The following PTPRN2 variants were observed in gnomAD, a reference collection of about 807,000 sequenced individuals.
The protein encoded by PTPRN2 is receptor-type tyrosine-protein phosphatase N2.
Under a neutral mutation model 118.8 loss-of-function variants are expected in PTPRN2, and 74 were observed. The ratio of observed to expected loss-of-function variants is 0.62; its 90% CI spans 0.52 to 0.76. The LOEUF (loss-of-function observed/expected upper bound fraction) is 0.76, where lower values mean the gene tolerates loss of function less well. Among genes scored for constraint, PTPRN2 ranks in the 30% least tolerant of loss-of-function variants. The pLI is 0.00. For missense variants in PTPRN2, 1,481 were observed against 1,394.4 expected (o/e 1.06, Z -0.99); for synonymous variants, 641 against 608.0 (o/e 1.05, Z -0.80).
chr7:157,549,109 G>T, intron 21 of PTPRN2, 90 bp from the exon 22 acceptor site: 1 of 1,262,742 alleles, frequency 7.9e-7, no homozygotes, highest in Non-Finnish European at 1.2e-6. Flanking sequence ...TTCCCTCTGG[G>T]CTGAGAGGCC....
At chr7:158,495,766 C>T (rs765883990) in intron 1 of PTPRN2, among the ~76,000 whole-genome samples, 3 of 152,218 alleles carry the variant, frequency 2.0e-5, no homozygotes, top group East Asian at 1.9e-4. Context: ...AGCCCGGAGG[C>T]GGGGCTGCCT....
chr7:158,176,728 C>T (rs1279613890), intron 5 of PTPRN2, among the ~76,000 whole-genome samples: 2 of 152,230 alleles, frequency 1.3e-5, no homozygotes, highest in Non-Finnish European at 2.9e-5. Flanking sequence ...GGGAGCAGAA[C>T]ACCATGCCCT....
intron 6 of PTPRN2, among the ~76,000 whole-genome samples, chr7:158,151,945 G>C (rs60853443): frequency 6.6e-6 from 1 of 151,984 alleles, no homozygotes; most frequent in Middle Eastern, 3.4e-3. Flanking sequence ...AGGCCGAGGC[G>C]GGTGGATCAC....
At chr7:158,160,659 T>C (rs575678150) in intron 6 of PTPRN2, among the ~76,000 whole-genome samples, 1 of 152,336 alleles carries the variant, frequency 6.6e-6, no homozygotes, top group South Asian at 2.1e-4. Context: ...CCTTAGGTTG[T>C]TCATCAGGGT....
intron 11 of PTPRN2, among the ~76,000 whole-genome samples, chr7:158,057,852 G>C (rs1456166436): frequency 6.6e-6 from 1 of 152,192 alleles, no homozygotes; most frequent in Non-Finnish European, 1.5e-5. Flanking sequence ...CACAGCAAAA[G>C]CTTCCCAAGG....
At chr7:158,380,951 C>T (rs10237689) in intron 2 of PTPRN2, among the ~76,000 whole-genome samples, 13,418 of 152,322 alleles carry the variant, frequency 0.088, 1,961 homozygotes, top group African/African-American at 0.3. Context: ...GCCTGAGCTC[C>T]ACATTGACTC....
At chr7:157,601,939 G>A (rs1038955645) in intron 16 of PTPRN2, among the ~76,000 whole-genome samples, 2 of 152,230 alleles carry the variant, frequency 1.3e-5, no homozygotes, top group African/African-American at 4.8e-5. Context: ...ACGGAATCCA[G>A]GCGCGCACAC....
intron 11 of PTPRN2, among the ~76,000 whole-genome samples, chr7:158,000,257 A>C (rs1177340984): frequency 6.6e-6 from 1 of 152,162 alleles, no homozygotes; most frequent in South Asian, 2.1e-4. Context: ...GATGCTTCTC[A>C]GGTTGCATTC....
At chr7:157,621,892 G>A (rs536459815) in intron 14 of PTPRN2, among the ~76,000 whole-genome samples, 12 of 152,100 alleles carry the variant, frequency 7.9e-5, no homozygotes, top group East Asian at 1.9e-4. Flanking sequence ...TAAAACCGGC[G>A]CACGTTTCTG....
At chr7:157,879,738 C>A (rs1796008597) in intron 12 of PTPRN2, among the ~76,000 whole-genome samples, 1 of 151,884 alleles carries the variant, frequency 6.6e-6, no homozygotes, top group Non-Finnish European at 1.5e-5. Context: ...GATAGAGTGG[C>A]CACCTCACCC....
intron 2 of PTPRN2, among the ~76,000 whole-genome samples, chr7:158,384,837 C>T (rs1349590813): frequency 2.6e-5 from 4 of 152,184 alleles, no homozygotes; most frequent in Admixed American, 1.3e-4. Context: ...GACATTTTCA[C>T]GAGTCAGAGG....
chr7:158,247,600 T>C (rs936106673), intron 3 of PTPRN2, among the ~76,000 whole-genome samples: 4 of 150,174 alleles, frequency 2.7e-5, no homozygotes, highest in Non-Finnish European at 5.9e-5. Context: ...AAAGGGGACT[T>C]GGGTGTCTGC....
At chr7:157,954,506 G>GTGT (rs776385323) in intron 11 of PTPRN2, among the ~76,000 whole-genome samples, 1 of 47,980 alleles carries the variant, frequency 2.1e-5, no homozygotes, top group Non-Finnish European at 4.7e-5. Context: ...TACTGTGTGT[G>GTGT]GTGTGTGTGT....
chr7:158,494,289 G>T (rs796516712), intron 1 of PTPRN2, among the ~76,000 whole-genome samples: 25 of 152,340 alleles, frequency 1.6e-4, no homozygotes, highest in African/African-American at 6.0e-4. Flanking sequence ...AAAATCCATG[G>T]CCCCTGCCCA....
In PTPRN2 at chr7:158,400,834, C is replaced by A. The variant is rs549556061; in HGVS notation, c.164-83902G>T. 2.6e-5 allele frequency among the ~76,000 whole-genome samples: 4 copies of A among 152,274 alleles called. No homozygotes were observed. The South Asian group carries it at 8.3e-4, about 32-fold the overall frequency. On this transcript the variant is annotated intron_variant, in intron 2 of 22. Coordinates refer to ENST00000389418, the MANE Select transcript of PTPRN2 (RefSeq NM_002847.5). Reference sequence around the variant, plus strand: ...GCCTGCCATGCAGCTGAGACGGATCCTCAGGACACGTCCTGCCTGCAGGTG... The same window carrying A: ...GCCTGCCATGCAGCTGAGACGGATCATCAGGACACGTCCTGCCTGCAGGTG...
chr7:158,225,881 T>C (rs1180034893), intron 3 of PTPRN2, among the ~76,000 whole-genome samples: 1 of 133,428 alleles, frequency 7.5e-6, no homozygotes, highest in Non-Finnish European at 1.5e-5. Flanking sequence ...GTGTATGACA[T>C]GGGGAGGGAG....
chr7:158,071,549 C>G (rs775307705), intron 11 of PTPRN2, among the ~76,000 whole-genome samples: 2 of 46,642 alleles, frequency 4.3e-5, no homozygotes, highest in African/African-American at 7.7e-5. Context: ...TGGAGGTGCT[C>G]CTGGTGGTGG....
At chr7:157,967,069 C>T (rs1479131438) in intron 11 of PTPRN2, among the ~76,000 whole-genome samples, 2 of 152,216 alleles carry the variant, frequency 1.3e-5, no homozygotes, top group African/African-American at 2.4e-5. Flanking sequence ...CCCATAATCC[C>T]AACACTTTGT....
At chr7:158,067,575 A>C (rs1810869604) in intron 11 of PTPRN2, among the ~76,000 whole-genome samples, 1 of 152,146 alleles carries the variant, frequency 6.6e-6, no homozygotes, top group African/African-American at 2.4e-5. Flanking sequence ...GCTGTTCTAC[A>C]ATCTTGAGAA....
Sources: gnomAD v4.1 joint callset for allele counts (sites outside exome capture counted in the v4.1 genomes callset) on GRCh38, gnomAD v4.1.1 for gene constraint, MANE v1.5 for transcripts, NCBI Gene and HGNC (gene_info 2026-07-23, HGNC 2026-07-21) for gene names.